Variants in UTRN observed in about 807,000 individuals in gnomAD.
The protein encoded by UTRN is utrophin.
Under a neutral mutation model 463.9 loss-of-function variants are expected in UTRN, and 283 were observed. The observed-to-expected ratio is 0.61, with a 90% CI of 0.55 to 0.67. The LOEUF (loss-of-function observed/expected upper bound fraction) is 0.67. UTRN is among the 30% of genes least tolerant of loss of function. The pLI is 0.00. For synonymous variants in UTRN, 1,442 were observed against 1,431.5 expected, an observed-to-expected ratio of 1.01 and a Z score of -0.17; for missense variants, 3,922 against 4,084.3, an observed-to-expected ratio of 0.96 and a Z score of 1.08.
intron 50 of UTRN, 28 bp downstream of exon 50, chr6:144,557,339 G>A (rs201536606): frequency 5.0e-6 from 8 of 1,590,120 alleles, no homozygotes; most frequent in Non-Finnish European, 6.9e-6. Context: ...GCAGGTAAAT[G>A]TATATTGTCA....
chr6:144,707,331 T>C (rs1326364875), intron 53 of UTRN, among the ~76,000 whole-genome samples: 1 of 152,124 alleles, frequency 6.6e-6, no homozygotes, highest in Non-Finnish European at 1.5e-5. Flanking sequence ...AAAAACCTAA[T>C]GGGTAACAAT....
At chr6:144,315,779 T>TATG (rs1775244897) in intron 2 of UTRN, among the ~76,000 whole-genome samples, 2 of 152,216 alleles carry the variant, frequency 1.3e-5, no homozygotes, top group South Asian at 4.1e-4. Context: ...TCAGGCAGCT[T>TATG]GGCATTAGTA....
rs1782504065 is a variant in UTRN at position 144,851,850 on chromosome 6, T to C, written c.*853T>C. 6.6e-6 allele frequency: 1 copy of C among 152,216 alleles called. No homozygotes were observed. The allele number at this position is 152,216 out of a possible 1,614,324, so 9.4% of individuals were successfully genotyped here. A position where few individuals can be genotyped will look rare whatever the true frequency, so the allele number is the denominator to read the frequency against. ...CATTATAATAATCTCAAAGATCATA[T>C]TACCAAAGGTTGCCCACTTGAGCAT... is the stretch of plus-strand genomic sequence containing the variant. On this transcript the variant is annotated 3_prime_UTR_variant, in exon 75 of 75. Transcript: ENST00000367545.
At chr6:144,374,430 T>C (rs1260871093) in intron 2 of UTRN, among the ~76,000 whole-genome samples, 1 of 151,156 alleles carries the variant, frequency 6.6e-6, no homozygotes, top group Non-Finnish European at 1.5e-5. Flanking sequence ...TAACTTGAGG[T>C]CAGGAGTTTG....
At chr6:144,559,797 G>T (rs773278189) in intron 50 of UTRN, among the ~76,000 whole-genome samples, 1 of 151,966 alleles carries the variant, frequency 6.6e-6, no homozygotes, top group Non-Finnish European at 1.5e-5. Context: ...CCCTCCCCCT[G>T]AAAAGAAATA....
rs532453884 is a variant in UTRN, at chr6:144,822,650, T to A, written c.9494+1632T>A. Among the ~76,000 whole-genome samples, 136 of 152,260 alleles carry A rather than the reference T, an allele frequency of 8.9e-4. 4 individuals carry two copies. In the South Asian group the frequency reaches 0.027, roughly 30 times the overall value. On this transcript the variant is annotated intron_variant, in intron 66 of 74. Coordinates refer to ENST00000367545, the MANE Select transcript of UTRN (RefSeq NM_007124.3). ...AACAGTAGACTTTTGGTCCTCTTTT[T>A]GATTTGTGGGTATGCTTTTGTCCTT...
chr6:144,449,132 T>G (rs1787991183), intron 17 of UTRN, among the ~76,000 whole-genome samples: 1 of 152,184 alleles, frequency 6.6e-6, no homozygotes, highest in Admixed American at 6.5e-5. Flanking sequence ...TCCTCAGTCT[T>G]TGAATATAGC....
At chr6:144,830,724 TTTTTG>T (rs1780598503) in intron 69 of UTRN, among the ~76,000 whole-genome samples, 1 of 145,204 alleles carries the variant, frequency 6.9e-6, no homozygotes, top group South Asian at 2.2e-4. Context: ...TGTTTTTTGT[TTTTTG>T]TTTTTTTTTT....
rs1047306048 is a variant in UTRN at position 144,286,742 on chromosome 6, T to C, written c.-93+921T>C. Among the ~76,000 whole-genome samples, 6 of 152,052 alleles carry C rather than the reference T, an allele frequency of 3.9e-5. No homozygotes were observed. Among genetic ancestry groups the C allele is most frequent in the Admixed American group, 1.3e-4 (2 of 15,282 alleles). On this transcript the variant is annotated intron_variant, in intron 1 of 74. Transcript: ENST00000367545. The surrounding 1 kb of genome is among the most constrained non-coding windows in gnomAD (Gnocchi z 4.4). ...AAAGGGACTCATTCCAGTGCGTTTT[T>C]CGAGGAGGAGGGAGAAAACGTTGCC...
intron 53 of UTRN, among the ~76,000 whole-genome samples, chr6:144,727,587 T>C (rs1278670210): frequency 1.3e-5 from 2 of 151,722 alleles, no homozygotes; most frequent in African/African-American, 4.8e-5. Context: ...TGAAATGCCA[T>C]CTCTACTAAA....
In UTRN at chr6:144,748,241, C is replaced by T. The variant is rs1790975655; in HGVS notation, c.7940-5C>T. The T allele has an allele frequency of 2.5e-6, 4 of 1,582,498 alleles. No individual in the cohort carries two copies. The highest frequency in any genetic ancestry group is 3.4e-6 in the Non-Finnish European group (4 of 1,169,924). ...AATTATTCTTTTTCTTTTTTTTAATCACAGAATTAACTCCTGAGGAGAGAG... is the reference window on the plus strand; with the variant it reads ...AATTATTCTTTTTCTTTTTTTTAATTACAGAATTAACTCCTGAGGAGAGAG... On this transcript the variant is annotated splice_polypyrimidine_tract_variant and splice_region_variant and intron_variant, in intron 54 of 74. Coordinates refer to ENST00000367545, the MANE Select transcript of UTRN (RefSeq NM_007124.3).
chr6:144,290,931 A>ATTT (rs552232592), intron 1 of UTRN, among the ~76,000 whole-genome samples: 1 of 140,194 alleles, frequency 7.1e-6, no homozygotes, highest in African/African-American at 2.7e-5. Context: ...TGCCTGGCTA[A>ATTT]TTTTTTTTTT....
intron 65 of UTRN, among the ~76,000 whole-genome samples, chr6:144,810,064 A>G (rs998879846): frequency 3.9e-5 from 6 of 152,130 alleles, no homozygotes; most frequent in Non-Finnish European, 8.8e-5. Context: ...GATACGACCT[A>G]ATGCTAATGA....
chr6:144,583,813 C>T (rs1802207339), intron 51 of UTRN, among the ~76,000 whole-genome samples: 1 of 152,118 alleles, frequency 6.6e-6, no homozygotes, highest in Admixed American at 6.5e-5. Flanking sequence ...TTGCAATTGA[C>T]ACAATCTTGT....
At chr6:144,834,308 T>TATC (rs1780923640) in intron 69 of UTRN, among the ~76,000 whole-genome samples, 1 of 152,184 alleles carries the variant, frequency 6.6e-6, no homozygotes, top group Admixed American at 6.5e-5. Context: ...CACATGTTCA[T>TATC]ATCTATATCT....
rs978917552 is a variant in UTRN, at chr6:144,851,868, T to C, written c.*871T>C. ...GATCATATTACCAAAGGTTGCCCACTTGAGCATATTTTCATTTTGACACAG... is the reference window on the plus strand; with the variant it reads ...GATCATATTACCAAAGGTTGCCCACCTGAGCATATTTTCATTTTGACACAG... On this transcript the variant is annotated 3_prime_UTR_variant, in exon 75 of 75. Transcript: ENST00000367545. 1 of 152,222 alleles carries C rather than the reference T, an allele frequency of 6.6e-6. No homozygotes were observed. Among genetic ancestry groups the C allele is most frequent in the African/African-American group, 2.4e-5 (1 of 41,464 alleles). The allele number at this position is 152,222 out of a possible 1,614,324, so 9.4% of individuals were successfully genotyped here.
intron 2 of UTRN, among the ~76,000 whole-genome samples, chr6:144,366,972 C>G (rs1779563620): frequency 6.6e-6 from 1 of 151,850 alleles, no homozygotes; most frequent in African/African-American, 2.4e-5. Context: ...TCTCTACTTG[C>G]ATTTTTTTTT....
At chr6:144,347,750 AG>A (rs1209357057) in intron 2 of UTRN, among the ~76,000 whole-genome samples, 1 of 151,018 alleles carries the variant, frequency 6.6e-6, no homozygotes, top group Non-Finnish European at 1.5e-5. Context: ...GAATTTCATC[AG>A]GGGCTGAGTG....
At chr6:144,352,427 T>G (rs1778186954) in intron 2 of UTRN, among the ~76,000 whole-genome samples, 1 of 152,192 alleles carries the variant, frequency 6.6e-6, no homozygotes, top group Non-Finnish European at 1.5e-5. Flanking sequence ...CATTAAAAAT[T>G]TCATAGTGAT....
Sources: allele counts gnomAD v4.1 joint callset (sites outside exome capture counted in the v4.1 genomes callset), GRCh38; gene constraint gnomAD v4.1.1; non-coding constraint Gnocchi (gnomAD v3.1); transcripts MANE v1.5; gene names NCBI Gene and HGNC (gene_info 2026-07-23, HGNC 2026-07-21).